Variants in ABLIM1 observed in about 807,000 individuals in gnomAD.
ABLIM1 encodes actin binding LIM protein 1.
ABLIM1 carries 40 observed loss-of-function variants against 107.0 expected under a neutral mutation model. That is an observed-to-expected ratio of 0.37 (90% confidence interval 0.29 to 0.49). The LOEUF (loss-of-function observed/expected upper bound fraction) is 0.49, where lower values mean the gene tolerates loss of function less well. ABLIM1 is among the 20% of genes least tolerant of loss of function. The pLI is 0.97. For synonymous variants in ABLIM1, 357 were observed against 357.3 expected, an observed-to-expected ratio of 1.00 and a Z score of 0.01; for missense variants, 857 against 1,008.5, an observed-to-expected ratio of 0.85 and a Z score of 2.04.
intron 2 of ABLIM1, among the ~76,000 whole-genome samples, chr10:114,599,753 C>CTCCA (rs1461375841): frequency 2.6e-5 from 4 of 151,498 alleles, no homozygotes; most frequent in Non-Finnish European, 5.9e-5. Context: ...CACCACTGCA[C>CTCCA]TCCAGCCTGG....
chr10:114,555,308 G>A (rs2068582690), intron 4 of ABLIM1, among the ~76,000 whole-genome samples: 1 of 152,176 alleles, frequency 6.6e-6, no homozygotes, highest in African/African-American at 2.4e-5. Context: ...GAGCCAGAGG[G>A]ACTTTATAGA....
At chr10:114,721,316 C>G (rs951363802) in intron 1 of ABLIM1, among the ~76,000 whole-genome samples, 2 of 152,070 alleles carry the variant, frequency 1.3e-5, no homozygotes, top group African/African-American at 4.8e-5. Flanking sequence ...TTTCACAGCT[C>G]GTGGGTGATG....
At chr10:114,668,029 G>T (rs1331747574) in intron 1 of ABLIM1, among the ~76,000 whole-genome samples, 1 of 151,902 alleles carries the variant, frequency 6.6e-6, no homozygotes, top group East Asian at 1.9e-4. Flanking sequence ...CTGGGAGGGG[G>T]TGTGGTTGGG....
chr10:114,440,335 T>C (rs959084129), intron 19 of ABLIM1, among the ~76,000 whole-genome samples: 4 of 152,212 alleles, frequency 2.6e-5, no homozygotes, highest in African/African-American at 9.6e-5. Context: ...CTAAAGGTAC[T>C]TACTGCTTCC....
intron 8 of ABLIM1, among the ~76,000 whole-genome samples, chr10:114,486,021 C>G (rs985229098): frequency 6.6e-6 from 1 of 152,186 alleles, no homozygotes; most frequent in Non-Finnish European, 1.5e-5. Flanking sequence ...GAGCACTGTC[C>G]TGACCTCCCA....
At chr10:114,609,450 C>T (rs2076658468) in intron 1 of ABLIM1, among the ~76,000 whole-genome samples, 1 of 152,240 alleles carries the variant, frequency 6.6e-6, no homozygotes. Context: ...TCCTTCTCCT[C>T]CATGTCCTCC....
At chr10:114,491,750 C>G (rs2059029865) in intron 7 of ABLIM1, 41 bp downstream of exon 7, 2 of 1,523,444 alleles carry the variant, frequency 1.3e-6, no homozygotes, top group African/African-American at 2.7e-5. Context: ...TTTCCTTTCC[C>G]CCAGCAAGGA....
At chr10:114,682,798 C>T (rs936659138) in intron 1 of ABLIM1, among the ~76,000 whole-genome samples, 1 of 152,136 alleles carries the variant, frequency 6.6e-6, no homozygotes, top group African/African-American at 2.4e-5. Flanking sequence ...TTCTTTCTGG[C>T]TTGACCACTA....
intron 8 of ABLIM1, among the ~76,000 whole-genome samples, chr10:114,487,537 T>C (rs1395542629): frequency 6.6e-6 from 1 of 152,208 alleles, no homozygotes; most frequent in Non-Finnish European, 1.5e-5. Flanking sequence ...TCTGGTGAAT[T>C]TGGATCCAGT....
chr10:114,539,294 G>GT (rs1407653354), intron 6 of ABLIM1, among the ~76,000 whole-genome samples: 1 of 152,116 alleles, frequency 6.6e-6, no homozygotes, highest in Non-Finnish European at 1.5e-5. Flanking sequence ...GGAGGTGGGG[G>GT]GTGCAGTGAG....
At chr10:114,445,708 G>C (rs2139379335) in intron 15 of ABLIM1, among the ~76,000 whole-genome samples, 1 of 152,308 alleles carries the variant, frequency 6.6e-6, no homozygotes, top group East Asian at 1.9e-4. Flanking sequence ...ACTGGTCAGA[G>C]ATCACTTTAG....
chr10:114,798,957 A>C, the ABLIM1 span, among the ~76,000 whole-genome samples: 5 of 152,058 alleles, frequency 3.3e-5, no homozygotes, highest in Non-Finnish European at 5.9e-5. Flanking sequence ...CACCAAGCCC[A>C]GCTAGTTTTT....
At chr10:114,596,494 G>T (rs561583103) in intron 2 of ABLIM1, among the ~76,000 whole-genome samples, 1 of 152,224 alleles carries the variant, frequency 6.6e-6, no homozygotes, top group East Asian at 1.9e-4. Context: ...AGACCAGCCT[G>T]GGCAACACAG....
chr10:114,577,106 GT>G (rs1239916606), intron 2 of ABLIM1, among the ~76,000 whole-genome samples: 1 of 152,176 alleles, frequency 6.6e-6, no homozygotes, highest in Admixed American at 6.5e-5. Flanking sequence ...GAACCTTAGA[GT>G]GTTTTCTTCA....
At chr10:114,493,424 T>C (rs1230900190) in intron 6 of ABLIM1, among the ~76,000 whole-genome samples, 1 of 152,216 alleles carries the variant, frequency 6.6e-6, no homozygotes, top group African/African-American at 2.4e-5. Flanking sequence ...GCTGATCAAG[T>C]GTATTTATCA....
chr10:114,714,674 A>G (rs2081622205), intron 1 of ABLIM1, among the ~76,000 whole-genome samples: 1 of 152,216 alleles, frequency 6.6e-6, no homozygotes, highest in African/African-American at 2.4e-5. Flanking sequence ...GATGATACAT[A>G]CACTCAGAAG....
intron 2 of ABLIM1, among the ~76,000 whole-genome samples, chr10:114,600,756 T>C (rs2075904088): frequency 6.6e-6 from 1 of 152,040 alleles, no homozygotes; most frequent in South Asian, 2.1e-4. Context: ...CTCCCTTCCT[T>C]CTCTGACATC....
chr10:114,614,576 G>A (rs1040576991), intron 1 of ABLIM1, among the ~76,000 whole-genome samples: 9 of 152,174 alleles, frequency 5.9e-5, no homozygotes, highest in Non-Finnish European at 1.2e-4. Context: ...TGAACGAGAT[G>A]CCATCAGATC....
intron 1 of ABLIM1, among the ~76,000 whole-genome samples, chr10:114,611,937 T>C (rs566533416): frequency 7.9e-5 from 12 of 152,228 alleles, no homozygotes; most frequent in African/African-American, 2.6e-4. Context: ...TTCTCTCTAA[T>C]TGTAATTAGA....
Sources: gnomAD v4.1 joint callset for allele counts (sites outside exome capture counted in the v4.1 genomes callset) on GRCh38, gnomAD v4.1.1 for gene constraint, MANE v1.5 for transcripts, NCBI Gene and HGNC (gene_info 2026-07-23, HGNC 2026-07-21) for gene names.